KPNA6: variants seen among roughly 807,000 people sequenced by gnomAD.
KPNA6 encodes the protein importin subunit alpha-7.
In KPNA6, 9 loss-of-function variants were observed where a neutral mutation model predicts 72.0. The ratio of observed to expected loss-of-function variants is 0.13; its 90% confidence interval spans 0.08 to 0.22. The LOEUF (loss-of-function observed/expected upper bound fraction) is 0.22. KPNA6 is among the 10% of genes least tolerant of loss of function. The probability of loss-of-function intolerance (pLI) is 1.00; values close to 1 mark genes in which losing one functional copy is unlikely to be tolerated. For synonymous variants in KPNA6, 219 were observed against 242.1 expected, an observed-to-expected ratio of 0.90 and a Z score of 0.89; for missense variants, 374 against 655.7, an observed-to-expected ratio of 0.57 and a Z score of 4.69.
intron 1 of KPNA6, among the ~76,000 whole-genome samples, chr1:32,145,173 A>G (rs575264218): frequency 8.6e-5 from 13 of 151,188 alleles, no homozygotes; most frequent in African/African-American, 2.7e-4. Flanking sequence ...GTTAGCCAGG[A>G]TAGTCTCAAT....
In KPNA6 at chr1:32,170,752, T is replaced by C. The variant is rs1642421045; in HGVS notation, c.1469T>C (p.Ile490Thr). ...EFLQSHENQEIYQKAFDLIEH... is the reference protein window; with the variant it reads ...EFLQSHENQETYQKAFDLIEH... ...CTCCAGAGCCACGAGAACCAGGAGA[T>C]CTACCAGAAGGCCTTCGACCTCATT... Residue 490 changes from isoleucine (I) to threonine (T), a missense_variant, in exon 14 of 14, where the codon ATC becomes ACC. Physicochemically the swap from Ile to Thr is moderately conservative, Grantham distance 89. Around this residue, in one of 3 missense-constraint regions of KPNA6, gnomAD observed 34 missense variants for 110.5 expected, o/e 0.31. Coordinates refer to ENST00000373625, the MANE Select transcript of KPNA6 (RefSeq NM_012316.5). 6.2e-7 allele frequency: 1 copy of C among 1,614,012 alleles called. No homozygotes were observed. Among genetic ancestry groups the C allele is most frequent in the African/African-American group, 1.3e-5 (1 of 74,900 alleles).
At chr1:32,156,595 C>A (rs1354163792) in intron 2 of KPNA6, among the ~76,000 whole-genome samples, 1 of 152,180 alleles carries the variant, frequency 6.6e-6, no homozygotes, top group Non-Finnish European at 1.5e-5. Context: ...CAACACTACT[C>A]AGAATGGCAT....
chr1:32,118,166 C>T (rs1376126317), intron 1 of KPNA6, among the ~76,000 whole-genome samples: 2 of 152,074 alleles, frequency 1.3e-5, no homozygotes, highest in African/African-American at 2.4e-5. Flanking sequence ...TCAGGTGATC[C>T]TCCCGCCTCA....
intron 1 of KPNA6, among the ~76,000 whole-genome samples, chr1:32,115,271 G>A (rs1003757024): frequency 1.3e-5 from 2 of 151,928 alleles, no homozygotes; most frequent in Non-Finnish European, 2.9e-5. Context: ...GAGTAGCTGG[G>A]ACCACAGGCG....
At chr1:32,141,686 C>T (rs1367693295) in intron 1 of KPNA6, among the ~76,000 whole-genome samples, 3 of 151,902 alleles carry the variant, frequency 2.0e-5, no homozygotes, top group East Asian at 3.9e-4. Context: ...CATGAGCCAC[C>T]GTGCCTGGCC....
At chr1:32,156,309 A>C (rs1280809066) in intron 2 of KPNA6, among the ~76,000 whole-genome samples, 1 of 151,758 alleles carries the variant, frequency 6.6e-6, no homozygotes, top group African/African-American at 2.4e-5. Context: ...TGAACCTTAC[A>C]TATACTATGT....
At chr1:32,122,171 G>A (rs576325230) in intron 1 of KPNA6, among the ~76,000 whole-genome samples, 60 of 152,076 alleles carry the variant, frequency 3.9e-4, no homozygotes, top group Non-Finnish European at 7.4e-4. Context: ...CTACTCGGGA[G>A]GCTAAGGCAA....
intron 13 of KPNA6, 84 bp from the exon 14 acceptor site, chr1:32,170,623 T>A: frequency 1.7e-6 from 2 of 1,159,948 alleles, no homozygotes; most frequent in South Asian, 2.7e-5. Context: ...CTAACATACC[T>A]CAGGGAAGGA....
chr1:32,114,374 G>A (rs1408299552), intron 1 of KPNA6, among the ~76,000 whole-genome samples: 3 of 151,502 alleles, frequency 2.0e-5, no homozygotes, highest in Non-Finnish European at 4.4e-5. Flanking sequence ...CTGGGAGGTG[G>A]AGGTTGCAGT....
rs553280487 is a variant in KPNA6, at chr1:32,171,012, T to G, written c.*118T>G. Reference sequence around the variant, plus strand: ...CAGCCACCACACACCTCTGCTGCCCTGGAGACTGTGCTCTTGACCTGCTCC... The same window carrying G: ...CAGCCACCACACACCTCTGCTGCCCGGGAGACTGTGCTCTTGACCTGCTCC... On this transcript the variant is annotated 3_prime_UTR_variant, in exon 14 of 14. Coordinates refer to ENST00000373625, the MANE Select transcript of KPNA6 (RefSeq NM_012316.5). The G allele has an allele frequency of 1.2e-6, 1 of 862,444 alleles. No homozygotes were observed. Among genetic ancestry groups the G allele is most frequent in the African/African-American group, 1.7e-5 (1 of 59,740 alleles). 53.4% of individuals were successfully genotyped at this position (862,444 alleles called of 1,614,324 possible).
chr1:32,148,133 C>T (rs369762676), intron 1 of KPNA6, among the ~76,000 whole-genome samples: 4 of 152,238 alleles, frequency 2.6e-5, no homozygotes, highest in African/African-American at 9.6e-5. Context: ...GAGACAGAAT[C>T]TCACTCTATC....
At chr1:32,158,817 C>T (rs1466376265) in intron 5 of KPNA6, among the ~76,000 whole-genome samples, 2 of 152,212 alleles carry the variant, frequency 1.3e-5, no homozygotes, top group Non-Finnish European at 2.9e-5. Context: ...TCAGTTCCCT[C>T]ACAGCCAGAA....
Position 32,142,782 on chromosome 1 carries a change from C to A in KPNA6, c.5-11806C>A, listed in dbSNP as rs568331914. 1.2e-5 allele frequency: 4 copies of A among 342,352 alleles called. No individual in the cohort carries two copies. In the Admixed American group the frequency reaches 1.2e-4, roughly 10 times the overall value. 21.2% of individuals were successfully genotyped at this position (342,352 alleles called of 1,614,324 possible). On this transcript the variant is annotated intron_variant, in intron 1 of 13. Transcript: ENST00000373625. ...TAAGGGAGTACATAATGGAAAAAGC[C>A]GCTGGCGTGCTGGATCCCTGAGATT...
intron 1 of KPNA6, among the ~76,000 whole-genome samples, chr1:32,120,580 T>G (rs374202618): frequency 6.6e-6 from 1 of 151,664 alleles, no homozygotes; most frequent in East Asian, 1.9e-4. Flanking sequence ...ATTAATTATT[T>G]TTTTGAGATG....
At position 32,173,324 on chromosome 1, in the gene KPNA6, A is replaced by T; in HGVS notation, c.*2430A>T. The T allele has an allele frequency of 2.6e-6, 1 of 384,524 alleles. No individual in the cohort carries two copies. The highest frequency in any genetic ancestry group is 4.6e-6 in the Non-Finnish European group (1 of 217,744). 23.8% of individuals were successfully genotyped at this position (384,524 alleles called of 1,614,324 possible). A position where few individuals can be genotyped will look rare whatever the true frequency, so the allele number is the denominator to read the frequency against. Reference sequence around the variant, plus strand: ...CAGTTTCTTAGTGTAAGACATACACATCCTGCTTGTCCAGCTGTTCCTCCA... The same window carrying T: ...CAGTTTCTTAGTGTAAGACATACACTTCCTGCTTGTCCAGCTGTTCCTCCA... On this transcript the variant is annotated 3_prime_UTR_variant, in exon 14 of 14. Coordinates refer to ENST00000373625, the MANE Select transcript of KPNA6 (RefSeq NM_012316.5).
intron 1 of KPNA6, among the ~76,000 whole-genome samples, chr1:32,117,332 C>T (rs1389252906): frequency 1.3e-5 from 2 of 152,094 alleles, no homozygotes; most frequent in African/African-American, 4.8e-5. Flanking sequence ...GCCACCACGC[C>T]CGGCTAACTT....
In KPNA6 at chr1:32,172,719, G is replaced by C. The variant is rs1331334725; in HGVS notation, c.*1825G>C. The C allele has an allele frequency of 1.6e-5, 3 of 188,008 alleles. No individual in the cohort carries two copies. Among genetic ancestry groups the C allele is most frequent in the Non-Finnish European group, 3.3e-5 (3 of 92,156 alleles). The allele number at this position is 188,008 out of a possible 1,614,324, so 11.6% of individuals were successfully genotyped here. ...GATGGGAGTAGAGGAAGTTGGTGTA[G>C]ACCAGCTGTGGAGCTGAAGGCACAG... On this transcript the variant is annotated 3_prime_UTR_variant, in exon 14 of 14. Transcript: ENST00000373625.
In KPNA6 at chr1:32,173,419, T is replaced by A. The variant is rs1005740961; in HGVS notation, c.*2525T>A. ...ATGTTTTTGGTGATCTGGCTGCTGC[T>A]TAAAGCCAGTTTTCCCTAAGAACTC... On this transcript the variant is annotated 3_prime_UTR_variant, in exon 14 of 14. Coordinates refer to ENST00000373625, the MANE Select transcript of KPNA6 (RefSeq NM_012316.5). 3 of 263,394 alleles carry A rather than the reference T, an allele frequency of 1.1e-5. No individual in the cohort carries two copies. The East Asian group carries it at 1.9e-4, about 17-fold the overall frequency. 16.3% of individuals were successfully genotyped at this position (263,394 alleles called of 1,614,324 possible).
chr1:32,168,832 G>A (rs1337135219), intron 12 of KPNA6, among the ~76,000 whole-genome samples: 4 of 152,208 alleles, frequency 2.6e-5, no homozygotes, highest in Non-Finnish European at 1.5e-5. Flanking sequence ...GGCTGGGCTT[G>A]TGGTATTATG....
Sources: gnomAD v4.1 joint callset for allele counts (sites outside exome capture counted in the v4.1 genomes callset) on GRCh38, gnomAD v4.1.1 for gene constraint, gnomAD v4.1.1 regional missense constraint, MANE v1.5 for transcripts, NCBI Gene and HGNC (gene_info 2026-07-23, HGNC 2026-07-21) for gene names.